Variants in PID1 observed in about 807,000 individuals in gnomAD.
PID1 encodes PTB-containing, cubilin and LRP1-interacting protein.
A neutral mutation model predicts 19.1 loss-of-function variants in PID1; 10 were observed. The ratio of observed to expected loss-of-function variants is 0.52; its 90% CI spans 0.32 to 0.89. The LOEUF is 0.89. Ranked by LOEUF, PID1 falls within the 40% of genes least tolerant of loss-of-function variation. The pLI, the probability that PID1 is intolerant of heterozygous loss-of-function variation, is 0.03. For missense variants in PID1, 248 were observed against 285.3 expected, an observed-to-expected ratio of 0.87 and a Z score of 0.94; for synonymous variants, 130 against 116.0, an observed-to-expected ratio of 1.12 and a Z score of -0.78.
chr2:229,222,864 A>AACACACACACAC (rs72386398), intron 1 of PID1, among the ~76,000 whole-genome samples: 220 of 103,968 alleles, frequency 2.1e-3, no homozygotes, highest in African/African-American at 9.1e-3. Context: ...TTCACACACA[A>AACACACACACAC]ACACACACAC....
intron 2 of PID1, among the ~76,000 whole-genome samples, chr2:229,131,238 C>T (rs1559247422): frequency 6.8e-6 from 1 of 147,468 alleles, no homozygotes; most frequent in African/African-American, 2.5e-5. Context: ...CTTTTCTTCT[C>T]TTTTTTTTTT....
chr2:229,029,875 A>G (rs1384988924), intron 2 of PID1, among the ~76,000 whole-genome samples: 4 of 151,956 alleles, frequency 2.6e-5, no homozygotes, highest in Non-Finnish European at 5.9e-5. Context: ...TAGAATTACT[A>G]TATGACTCTG....
At chr2:229,091,587 C>T (rs528736418) in intron 2 of PID1, among the ~76,000 whole-genome samples, 6 of 152,164 alleles carry the variant, frequency 3.9e-5, no homozygotes, top group Admixed American at 6.5e-5. Context: ...AGAGATCCCC[C>T]ACTCCTTCTG....
intron 2 of PID1, among the ~76,000 whole-genome samples, chr2:229,140,056 A>C (rs1001100910): frequency 6.6e-6 from 1 of 152,152 alleles, no homozygotes; most frequent in Non-Finnish European, 1.5e-5. Context: ...AGCAGCCTCC[A>C]TGTCCTTAGC....
chr2:229,158,547 A>C (rs561363598), intron 1 of PID1, among the ~76,000 whole-genome samples: 98 of 152,234 alleles, frequency 6.4e-4, no homozygotes, highest in Admixed American at 1.6e-3. Context: ...CAGAAGTCCA[A>C]TGAATATTTG....
chr2:229,191,574 G>C lies in PID1; in HGVS notation c.31-35610C>G, dbSNP rs185197245. The stretch of plus-strand genomic sequence containing the variant: ...CAGCTAATACACACCCTGCAACTAA[G>C]CCCTAAAAGAATTAGGGGTATTTTT... On this transcript the variant is annotated intron_variant, in intron 1 of 2. Coordinates refer to ENST00000392055, the MANE Select transcript of PID1 (RefSeq NM_001100818.2). Among the ~76,000 whole-genome samples the C allele has an allele frequency of 2.2e-3, 330 of 152,242 alleles. 4 individuals carry two copies. The highest frequency in any genetic ancestry group is 7.4e-3 in the African/African-American group (309 of 41,530).
chr2:229,025,454 A>C lies in PID1; in HGVS notation c.*178T>G. 1 of 604,980 alleles carries C rather than the reference A, an allele frequency of 1.7e-6. No homozygotes were observed. Among genetic ancestry groups the C allele is most frequent in the Non-Finnish European group, 2.9e-6 (1 of 339,670 alleles). The allele number at this position is 604,980 out of a possible 1,614,324, so 37.5% of individuals were successfully genotyped here. ...TCACAGCAGCAGCAGGTTTCAATGT[A>C]ACGTAATTACTTTAATGATACATTT... On this transcript the variant is annotated 3_prime_UTR_variant, in exon 3 of 3. Coordinates refer to ENST00000392055, the MANE Select transcript of PID1 (RefSeq NM_001100818.2).
chr2:229,094,367 T>C (rs1354865372), intron 2 of PID1, among the ~76,000 whole-genome samples: 1 of 151,950 alleles, frequency 6.6e-6, no homozygotes, highest in Non-Finnish European at 1.5e-5. Flanking sequence ...GACTATAATA[T>C]CCAAGGCAAT....
At chr2:229,078,476 G>A (rs1374683347) in intron 2 of PID1, among the ~76,000 whole-genome samples, 1 of 152,142 alleles carries the variant, frequency 6.6e-6, no homozygotes, top group African/African-American at 2.4e-5. Flanking sequence ...CCTTGTGCGG[G>A]TTTTTAAAGG....
chr2:229,231,518 TC>T (rs1466219924), intron 1 of PID1, among the ~76,000 whole-genome samples: 3 of 152,076 alleles, frequency 2.0e-5, no homozygotes, highest in Non-Finnish European at 4.4e-5. Flanking sequence ...CTCTCTCTAA[TC>T]CTTCAAGGCA....
intron 2 of PID1, among the ~76,000 whole-genome samples, chr2:229,036,961 C>T (rs1272405916): frequency 1.3e-5 from 2 of 152,100 alleles, no homozygotes; most frequent in African/African-American, 2.4e-5. Flanking sequence ...CTTTAACAGT[C>T]TGTTTTGGTT....
intron 1 of PID1, among the ~76,000 whole-genome samples, chr2:229,196,622 T>C (rs1208780950): frequency 6.6e-6 from 1 of 152,086 alleles, no homozygotes; most frequent in Admixed American, 6.6e-5. Flanking sequence ...CTACATGTAA[T>C]GCAGTGTCAT....
rs879804286 is a variant in PID1 at position 229,139,043 on chromosome 2, A to AAG, written c.177+16773_177+16774dup. 7.2e-3 allele frequency among the ~76,000 whole-genome samples: 460 copies of AAG among 63,488 alleles called. 27 individuals carry two copies. The highest frequency in any genetic ancestry group is 0.021 in the East Asian group (54 of 2,560). 41.7% of individuals were successfully genotyped at this position (63,488 alleles called of 152,430 possible). A position where few individuals can be genotyped will look rare whatever the true frequency, so the allele number is the denominator to read the frequency against. Reference sequence around the variant, plus strand: ...AGAAAGAAAGAAAGAAAGAAAGAGAAAGAAAGAAAGAAAGAGAAAGAAAGA... The same window carrying AAG: ...AGAAAGAAAGAAAGAAAGAAAGAGAAAGAGAAAGAAAGAAAGAGAAAGAAAGA... On this transcript the variant is annotated intron_variant, in intron 2 of 2. Coordinates refer to ENST00000392055, the MANE Select transcript of PID1 (RefSeq NM_001100818.2).
At chr2:229,114,051 C>T (rs1291457233) in intron 2 of PID1, among the ~76,000 whole-genome samples, 1 of 151,836 alleles carries the variant, frequency 6.6e-6, no homozygotes, top group Non-Finnish European at 1.5e-5. Flanking sequence ...TTACCTCTTC[C>T]CTGGGTCTCC....
At position 229,131,024 on chromosome 2, in the gene PID1, T is replaced by C. The variant is rs557679696; in HGVS notation, c.177+24794A>G. Among the ~76,000 whole-genome samples, 85 of 152,248 alleles carry C rather than the reference T, an allele frequency of 5.6e-4. No homozygotes were observed. The Middle Eastern group carries it at 0.014, about 24-fold the overall frequency. ...TTATAAAGATACCCACCATATCGGA[T>C]CAAGGTCGCTCCCTACTCCAATATG... On this transcript the variant is annotated intron_variant, in intron 2 of 2. Coordinates refer to ENST00000392055, the MANE Select transcript of PID1 (RefSeq NM_001100818.2).
At chr2:229,091,166 ATAGGGT>A (rs1393697001) in intron 2 of PID1, among the ~76,000 whole-genome samples, 1 of 152,192 alleles carries the variant, frequency 6.6e-6, no homozygotes, top group East Asian at 1.9e-4. Context: ...TATTATGCAA[ATAGGGT>A]TAGAATATAT....
chr2:229,063,266 A>G (rs1161672074), intron 2 of PID1, among the ~76,000 whole-genome samples: 1 of 151,984 alleles, frequency 6.6e-6, no homozygotes, highest in Non-Finnish European at 1.5e-5. Context: ...TATTTCTATA[A>G]AACTTCCCTC....
chr2:229,182,639 G>A (rs959768304), intron 1 of PID1, among the ~76,000 whole-genome samples: 6 of 152,098 alleles, frequency 3.9e-5, no homozygotes, highest in African/African-American at 9.7e-5. Context: ...GCCCTCTCAC[G>A]TCCCTTGGTC....
chr2:229,076,663 G>C (rs1255642465), intron 2 of PID1, among the ~76,000 whole-genome samples: 1 of 151,928 alleles, frequency 6.6e-6, no homozygotes, highest in Non-Finnish European at 1.5e-5. Flanking sequence ...CTGTTCCTAC[G>C]TTAGTTTGCT....
Sources: allele counts gnomAD v4.1 joint callset (sites outside exome capture counted in the v4.1 genomes callset), GRCh38; gene constraint gnomAD v4.1.1; transcripts MANE v1.5; gene names NCBI Gene and HGNC (gene_info 2026-07-23, HGNC 2026-07-21).